Variants in PPP2R3C observed in about 807,000 individuals in gnomAD.
The protein encoded by PPP2R3C is serine/threonine-protein phosphatase 2A regulatory subunit B'' subunit gamma.
A neutral mutation model predicts 63.7 loss-of-function variants in PPP2R3C; 47 were observed. That is an observed-to-expected ratio of 0.74 (90% CI 0.58 to 0.94). The LOEUF is 0.94. Ranked by LOEUF, PPP2R3C falls within the 40% of genes least tolerant of loss-of-function variation. PPP2R3C has a pLI of 0.00. For missense variants in PPP2R3C, 421 were observed against 518.4 expected (o/e 0.81, Z 1.82); for synonymous variants, 180 against 177.4 (o/e 1.01, Z -0.12).
At position 35,105,498 on chromosome 14, in the gene PPP2R3C, T is replaced by A. The variant is rs536540009; in HGVS notation, c.573+1806A>T. Among the ~76,000 whole-genome samples, 3 of 151,890 alleles carry A rather than the reference T, an allele frequency of 2.0e-5. No homozygotes were observed. In the East Asian group the frequency reaches 5.8e-4, roughly 29 times the overall value. Reference sequence around the variant, plus strand: ...GCCCAGCCAAAAGGCCTTTTTTTTTTAAAGTTTGAAGAAAAAGAATCTAAA... The same window carrying A: ...GCCCAGCCAAAAGGCCTTTTTTTTTAAAAGTTTGAAGAAAAAGAATCTAAA... On this transcript the variant is annotated intron_variant, in intron 6 of 12. Transcript: ENST00000261475.
At chr14:35,096,530 A>T (rs1290267457) in intron 9 of PPP2R3C, 28 bp downstream of exon 9, 2 of 1,588,984 alleles carry the variant, frequency 1.3e-6, no homozygotes, top group African/African-American at 2.7e-5. Context: ...TGGATAATTC[A>T]AATTTTAGCA....
At chr14:35,121,809 G>A (rs2046908980) in intron 1 of PPP2R3C, 93 bp downstream of exon 1, 1 of 1,380,688 alleles carries the variant, frequency 7.2e-7, no homozygotes, top group South Asian at 1.2e-5. Flanking sequence ...AGCGGAAAAG[G>A]CGGCTCCCCC....
At position 35,121,965 on chromosome 14, in the gene PPP2R3C, A is replaced by C. The variant is rs1351989490; in HGVS notation, c.-6T>G. ...AGAACTTCTTTCCAGTCCATGGCCG[A>C]CTTCCGCGCAGCAGCTTCTGCATTT... is the stretch of plus-strand genomic sequence containing the variant. On this transcript the variant is annotated 5_prime_UTR_variant, in exon 1 of 13. Transcript: ENST00000261475. The C allele has an allele frequency of 1.2e-6, 2 of 1,613,906 alleles. No homozygotes were observed. Among genetic ancestry groups the C allele is most frequent in the Non-Finnish European group, 1.7e-6 (2 of 1,179,980 alleles).
rs768971148 is a variant in PPP2R3C, at chr14:35,121,936, A to G, written c.24T>C (p.Arg8=). 1 of 1,614,160 alleles carries G rather than the reference A, an allele frequency of 6.2e-7. No individual in the cohort carries two copies. Among genetic ancestry groups the G allele is most frequent in the Admixed American group, 1.7e-5 (1 of 60,018 alleles). MDWKEVL[R]RRLATPNTCP... is the part of the protein sequence containing the mutation. ...AGGTGTTGGGCGTCGCTAGGCGCCGACGAAGAACTTCTTTCCAGTCCATGG... is the reference window on the plus strand; with the variant it reads ...AGGTGTTGGGCGTCGCTAGGCGCCGGCGAAGAACTTCTTTCCAGTCCATGG... The change falls in exon 1 of 13, where the codon CGT becomes CGC. Residue 8 remains arginine, a synonymous_variant. Coordinates refer to ENST00000261475, the MANE Select transcript of PPP2R3C (RefSeq NM_017917.4).
chr14:35,085,625 C>T lies in PPP2R3C; in HGVS notation c.1327G>A (p.Asp443Asn). The part of the protein sequence containing the change: ...YENREALVAN[D>N]SENSADLDDT ...TCAAGGTCTGCAGAGTTTTCACTGT[C>T]ATTTGCAACAAGAGCCTCTCTGTTC... Residue 443 changes from aspartate (D) to asparagine (N), a missense_variant, in exon 13 of 13, where the codon GAC (aspartate) becomes AAC (asparagine). Transcript: ENST00000261475. 2 of 1,612,542 alleles carry T rather than the reference C, an allele frequency of 1.2e-6. No homozygotes were observed. Among genetic ancestry groups the T allele is most frequent in the Non-Finnish European group, 1.7e-6 (2 of 1,179,590 alleles).
intron 6 of PPP2R3C, among the ~76,000 whole-genome samples, chr14:35,106,891 T>C (rs2046381579): frequency 6.6e-6 from 1 of 151,974 alleles, no homozygotes; most frequent in Admixed American, 6.6e-5. Context: ...GGTCTCAAAC[T>C]CCCGACCTCA....
intron 6 of PPP2R3C, chr14:35,101,934 T>G (rs2046205313): frequency 6.6e-6 from 1 of 152,164 alleles, no homozygotes; most frequent in East Asian, 1.9e-4. Context: ...TAGCTGAATT[T>G]ATTGTTTTCT....
At chr14:35,098,103 A>G (rs1053252592) in intron 7 of PPP2R3C, among the ~76,000 whole-genome samples, 3 of 152,034 alleles carry the variant, frequency 2.0e-5, no homozygotes, top group Non-Finnish European at 2.9e-5. Context: ...GAAAAAGTAT[A>G]TATGTGTGTA....
At position 35,110,981 on chromosome 14, in the gene PPP2R3C, G is replaced by A. The variant is rs558975367; in HGVS notation, c.187-352C>T. Among the ~76,000 whole-genome samples, 525 of 152,200 alleles carry A rather than the reference G, an allele frequency of 3.4e-3. 3 individuals carry two copies. Among genetic ancestry groups the A allele is most frequent in the Non-Finnish European group, 6.2e-3 (422 of 68,004 alleles). On this transcript the variant is annotated intron_variant, in intron 2 of 12. Coordinates refer to ENST00000261475, the MANE Select transcript of PPP2R3C (RefSeq NM_017917.4). ...TGGCTGGGGGCAGTGGCTCACACCCGTAATCCCAGCACTTTGGGTGGCCGA... is the reference window on the plus strand; with the variant it reads ...TGGCTGGGGGCAGTGGCTCACACCCATAATCCCAGCACTTTGGGTGGCCGA...
intron 9 of PPP2R3C, among the ~76,000 whole-genome samples, chr14:35,095,864 A>AC (rs2045982089): frequency 6.6e-6 from 1 of 150,828 alleles, no homozygotes; most frequent in African/African-American, 2.4e-5. Flanking sequence ...AAAAAAAAAA[A>AC]AAAAAAAAAG....
At chr14:35,102,044 T>G (rs1405263292) in intron 6 of PPP2R3C, 1 of 151,366 alleles carries the variant, frequency 6.6e-6, no homozygotes, top group Admixed American at 6.6e-5. Context: ...TTTTTTTTTT[T>G]TTGAGACGGA....
intron 3 of PPP2R3C, chr14:35,110,157 A>C (rs1279165050): frequency 2.1e-6 from 1 of 477,410 alleles, no homozygotes; most frequent in Admixed American, 3.8e-5. Context: ...CATCTCTATG[A>C]TATAGTTAGC....
rs1347975837 is a variant in PPP2R3C at position 35,091,371 on chromosome 14, G to C, written c.976-164C>G. ...TTTATATACTTAATATTGGTTTCTAGGGAATTTTTTTCGAGACAGAGTTTC... is the reference window on the plus strand; with the variant it reads ...TTTATATACTTAATATTGGTTTCTACGGAATTTTTTTCGAGACAGAGTTTC... On this transcript the variant is annotated intron_variant, in intron 10 of 12. Transcript: ENST00000261475. Among the ~76,000 whole-genome samples the C allele has an allele frequency of 9.2e-5, 14 of 152,222 alleles. No homozygotes were observed. In the East Asian group the frequency reaches 2.5e-3, roughly 27 times the overall value.
At chr14:35,102,985 C>T (rs899437762) in intron 6 of PPP2R3C, among the ~76,000 whole-genome samples, 5 of 152,116 alleles carry the variant, frequency 3.3e-5, no homozygotes, top group African/African-American at 1.2e-4. Context: ...GTCTTGAACT[C>T]CCGAGCTCAA....
chr14:35,116,171 C>T (rs1023082933), intron 2 of PPP2R3C, among the ~76,000 whole-genome samples: 2 of 151,828 alleles, frequency 1.3e-5, no homozygotes, highest in Non-Finnish European at 2.9e-5. Context: ...AGATCAATTA[C>T]AATAAAATAA....
Position 35,098,998 on chromosome 14 carries a change from T to C in PPP2R3C, c.706+254A>G, listed in dbSNP as rs961621521. 14 of 321,348 alleles carry C rather than the reference T, an allele frequency of 4.4e-5. No homozygotes were observed. The South Asian group carries it at 5.9e-4, about 13-fold the overall frequency. The allele number at this position is 321,348 out of a possible 1,614,324, so 19.9% of individuals were successfully genotyped here. A position where few individuals can be genotyped will look rare whatever the true frequency, so the allele number is the denominator to read the frequency against. ...GACTACCCAGTTCATACTTCTTCAC[T>C]GTTAGGTGATGTCCCCCCATCTGTC... On this transcript the variant is annotated intron_variant, in intron 7 of 12. Transcript: ENST00000261475.
chr14:35,108,088 A>C, intron 5 of PPP2R3C, 51 bp downstream of exon 5: 2 of 1,586,948 alleles, frequency 1.3e-6, no homozygotes, highest in South Asian at 2.4e-5. Context: ...ACAGACCAAA[A>C]ACCTACTTGA....
At chr14:35,091,338 G>A in intron 10 of PPP2R3C, 131 bp from the exon 11 acceptor site, 1 of 828,894 alleles carries the variant, frequency 1.2e-6, no homozygotes, top group African/African-American at 1.7e-5. Flanking sequence ...TATGATATGA[G>A]AAATCCATTT....
rs772184737 is a variant in PPP2R3C at position 35,110,726 on chromosome 14, G to T, written c.187-97C>A. On this transcript the variant is annotated intron_variant, in intron 2 of 12. Coordinates refer to ENST00000261475, the MANE Select transcript of PPP2R3C (RefSeq NM_017917.4). The stretch of plus-strand genomic sequence containing the variant: ...TAAAATAACTGTATGCCACCGCCTC[G>T]AATTATTTCTTGTATCTCACCTTAA... The T allele has an allele frequency of 6.3e-5, 45 of 714,850 alleles. No homozygotes were observed. In the African/African-American group the frequency reaches 7.2e-4, roughly 11 times the overall value. 44.3% of individuals were successfully genotyped at this position (714,850 alleles called of 1,614,324 possible). A position where few individuals can be genotyped will look rare whatever the true frequency, so the allele number is the denominator to read the frequency against.
Sources: allele counts gnomAD v4.1 joint callset (sites outside exome capture counted in the v4.1 genomes callset), GRCh38; gene constraint gnomAD v4.1.1; transcripts MANE v1.5; gene names NCBI Gene and HGNC (gene_info 2026-07-23, HGNC 2026-07-21).